CCDC146: variants seen among roughly 807,000 people sequenced by gnomAD.
CCDC146 encodes coiled-coil domain containing 146.
In CCDC146, 92 loss-of-function variants were observed where a neutral mutation model predicts 119.3. That is an observed-to-expected ratio of 0.77 (90% CI 0.65 to 0.92). CCDC146 has a LOEUF of 0.92. Ranked by LOEUF, CCDC146 falls within the 40% of genes least tolerant of loss-of-function variation. CCDC146 has a pLI of 0.00. For synonymous variants in CCDC146, 372 were observed against 371.8 expected, an observed-to-expected ratio of 1.00 and a Z score of -0.01; for missense variants, 1,000 against 1,103.0, an observed-to-expected ratio of 0.91 and a Z score of 1.32.
At chr7:77,189,427 T>C (rs1215840695) in intron 2 of CCDC146, among the ~76,000 whole-genome samples, 1 of 152,206 alleles carries the variant, frequency 6.6e-6, no homozygotes, top group East Asian at 1.9e-4. Flanking sequence ...GCAAGAATAT[T>C]GCAAACATCA....
chr7:77,189,397 C>G (rs1196464798), intron 2 of CCDC146, among the ~76,000 whole-genome samples: 1 of 152,190 alleles, frequency 6.6e-6, no homozygotes, highest in Non-Finnish European at 1.5e-5. Context: ...AACTTTTCAT[C>G]ATGCTTTCCT....
At chr7:77,251,310 C>T (rs1015809493) in intron 4 of CCDC146, among the ~76,000 whole-genome samples, 1 of 152,168 alleles carries the variant, frequency 6.6e-6, no homozygotes, top group Non-Finnish European at 1.5e-5. Flanking sequence ...GCATGAACCA[C>T]CATGCCTGGC....
Position 77,293,090 on chromosome 7 carries a change from A to G in CCDC146, c.2554A>G (p.Asn852Asp). Reference protein sequence around the residue: ...REKEDFIFTCNSRIEKGLPLN... With the variant: ...REKEDFIFTCDSRIEKGLPLN... ...GAAAGAAGACTTCATCTTCACTTGCAATTCCAGGATAGAAAAAGGTCTGCC... is the reference window on the plus strand; with the variant it reads ...GAAAGAAGACTTCATCTTCACTTGCGATTCCAGGATAGAAAAAGGTCTGCC... The change falls in exon 18 of 19, where the codon AAT (asparagine) becomes GAT (aspartate). Residue 852 changes from asparagine (N) to aspartate (D), a missense_variant. By Grantham distance (23) the Asn-to-Asp change is conservative (BLOSUM62 1). Transcript: ENST00000285871. 6.2e-7 allele frequency: 1 copy of G among 1,614,208 alleles called. No individual in the cohort carries two copies. Among genetic ancestry groups the G allele is most frequent in the Non-Finnish European group, 8.5e-7 (1 of 1,180,036 alleles).
chr7:77,251,819 A>C (rs201554809), intron 4 of CCDC146, among the ~76,000 whole-genome samples: 1 of 152,216 alleles, frequency 6.6e-6, no homozygotes, highest in East Asian at 1.9e-4. Context: ...AAAATTGTCC[A>C]ATCTGAACAG....
intron 1 of CCDC146, among the ~76,000 whole-genome samples, chr7:77,145,977 A>G (rs1436305897): frequency 6.6e-6 from 1 of 151,774 alleles, no homozygotes; most frequent in African/African-American, 2.4e-5. Context: ...TATCCTTGTT[A>G]ACTTTCTGTC....
At chr7:77,131,440 G>A (rs529066114) in intron 1 of CCDC146, among the ~76,000 whole-genome samples, 2 of 152,126 alleles carry the variant, frequency 1.3e-5, no homozygotes, top group South Asian at 2.1e-4. Context: ...AGAACAGGCC[G>A]GGTGCAGTGG....
rs905067985 is a variant in CCDC146 at position 77,204,329 on chromosome 7, T to TA, written c.157-32610dup. ...CATTATAAATTTCATGAAAAGAACT[T>TA]AAAAAAAATGATTTCCACAACCCAC... On this transcript the variant is annotated intron_variant, in intron 2 of 18. Transcript: ENST00000285871. 7.2e-5 allele frequency among the ~76,000 whole-genome samples: 11 copies of TA among 151,930 alleles called. No homozygotes were observed. In the South Asian group the frequency reaches 8.3e-4, roughly 11 times the overall value.
chr7:77,263,187 C>A (rs1793336393), intron 9 of CCDC146, among the ~76,000 whole-genome samples: 1 of 152,204 alleles, frequency 6.6e-6, no homozygotes, highest in Non-Finnish European at 1.5e-5. Context: ...AAAGTTTATA[C>A]TTCCTTGCAC....
At chr7:77,274,721 G>A (rs1014640679) in intron 11 of CCDC146, 69 bp downstream of exon 11, 22 of 1,212,066 alleles carry the variant, frequency 1.8e-5, no homozygotes, top group Middle Eastern at 4.1e-4. Context: ...ATAATGCCAC[G>A]TGCATTAGGA....
chr7:77,233,094 G>T (rs1361237984), intron 2 of CCDC146, among the ~76,000 whole-genome samples: 8 of 144,678 alleles, frequency 5.5e-5, no homozygotes, highest in South Asian at 4.3e-4. Context: ...TCTTTTGTTT[G>T]TTTTTTTTTT....
chr7:77,170,746 A>C (rs1012824198), intron 2 of CCDC146, among the ~76,000 whole-genome samples: 1 of 152,222 alleles, frequency 6.6e-6, no homozygotes, highest in African/African-American at 2.4e-5. Flanking sequence ...CATTTTAAAA[A>C]TAGGCAAAGG....
At chr7:77,184,807 A>T (rs1163838001) in intron 2 of CCDC146, among the ~76,000 whole-genome samples, 1 of 152,196 alleles carries the variant, frequency 6.6e-6, no homozygotes, top group African/African-American at 2.4e-5. Context: ...AACACACTTG[A>T]AAATATATTA....
intron 1 of CCDC146, among the ~76,000 whole-genome samples, chr7:77,144,036 T>G (rs1790977573): frequency 6.6e-6 from 1 of 151,854 alleles, no homozygotes; most frequent in Non-Finnish European, 1.5e-5. Flanking sequence ...TATTAATTCT[T>G]CCTATCCATG....
chr7:77,273,782 C>T lies in CCDC146; in HGVS notation c.1262C>T (p.Ala421Val). Residue 421 changes from alanine to valine, a missense_variant, in exon 10 of 19, where the codon GCC (alanine) becomes GTC (valine). Ala to Val is a moderately conservative substitution (Grantham distance 64). Around this residue, in one of 2 missense-constraint regions of CCDC146, gnomAD observed 985 missense variants for 1,045.3 expected, o/e 0.94. Transcript: ENST00000285871. ...KEVEVAKRNL[A>V]QQKIISEMES... ...GTTGAAGTAGCTAAGAGGAATTTGG[C>T]CCAACAGGTTAATATCAATGCTCAT... is the stretch of plus-strand genomic sequence containing the variant. 6.2e-7 allele frequency: 1 copy of T among 1,603,884 alleles called. No homozygotes were observed. Among genetic ancestry groups the T allele is most frequent in the Non-Finnish European group, 8.5e-7 (1 of 1,171,808 alleles).
chr7:77,199,005 A>G (rs560424880), intron 2 of CCDC146: 298 of 607,092 alleles, frequency 4.9e-4, no homozygotes, highest in Non-Finnish European at 7.6e-4. Flanking sequence ...TTTTGTAATT[A>G]GGTCATATTT....
intron 1 of CCDC146, among the ~76,000 whole-genome samples, chr7:77,126,458 C>G (rs1282989237): frequency 6.6e-6 from 1 of 151,972 alleles, no homozygotes; most frequent in African/African-American, 2.4e-5. Context: ...TTAAGTGTTA[C>G]AAGAGCTCAG....
At chr7:77,236,851 T>C (rs1792745164) in intron 2 of CCDC146, 96 bp from the exon 3 acceptor site, 1 of 903,712 alleles carries the variant, frequency 1.1e-6, no homozygotes, top group African/African-American at 1.6e-5. Context: ...TAATGTTTAA[T>C]GGAGGATTTT....
intron 2 of CCDC146, chr7:77,195,214 C>T (rs796678233): frequency 3.0e-5 from 4 of 135,278 alleles, no homozygotes; most frequent in African/African-American, 1.1e-4. Flanking sequence ...AGTGAGCAAT[C>T]TTAAATTAAA....
intron 4 of CCDC146, among the ~76,000 whole-genome samples, chr7:77,244,591 C>G (rs949091363): frequency 6.6e-6 from 1 of 152,232 alleles, no homozygotes; most frequent in Non-Finnish European, 1.5e-5. Flanking sequence ...ACCTGCTATG[C>G]AGGTCTATAG....
Sources: allele counts gnomAD v4.1 joint callset (sites outside exome capture counted in the v4.1 genomes callset), GRCh38; gene constraint gnomAD v4.1.1; regional missense constraint gnomAD v4.1.1; transcripts MANE v1.5; gene names NCBI Gene and HGNC (gene_info 2026-07-23, HGNC 2026-07-21).